Variants in MDH1B observed in about 807,000 individuals in gnomAD.
The protein encoded by MDH1B is putative malate dehydrogenase 1B.
In MDH1B, 60 loss-of-function variants were observed where a neutral mutation model predicts 61.4. That is an observed-to-expected ratio of 0.98 (90% CI 0.79 to 1.21). The LOEUF (loss-of-function observed/expected upper bound fraction) is 1.21, where lower values mean the gene tolerates loss of function less well. Among genes scored for constraint, MDH1B ranks in the 50% most tolerant of loss-of-function variants. The probability of loss-of-function intolerance (pLI) is 0.00; values close to 1 mark genes in which losing one functional copy is unlikely to be tolerated. For missense variants in MDH1B, 587 were observed against 632.1 expected (o/e 0.93, Z 0.76); for synonymous variants, 236 against 218.7 (o/e 1.08, Z -0.70).
intron 10 of MDH1B, 126 bp from the exon 11 acceptor site, chr2:206,739,787 A>G (rs372784970): frequency 2.6e-6 from 2 of 784,036 alleles, no homozygotes. Context: ...CTCTCCTAGG[A>G]GTTACAAGAT....
At position 206,763,926 on chromosome 2, in the gene MDH1B, GC is replaced by G. The variant is rs201592480; in HGVS notation, c.22+1323del. Reference sequence around the variant, plus strand: ...CCTGCTATCGTTCCTATAGAACCCTGCCCTGTCAGTGTCATACATGCAACAT... The same window carrying G: ...CCTGCTATCGTTCCTATAGAACCCTGCCTGTCAGTGTCATACATGCAACAT... On this transcript the variant is annotated intron_variant, in intron 1 of 11. Coordinates refer to ENST00000374412, the MANE Select transcript of MDH1B (RefSeq NM_001039845.3). Among the ~76,000 whole-genome samples the G allele has an allele frequency of 9.8e-3, 1,489 of 152,126 alleles. 26 individuals are homozygous for G. Among genetic ancestry groups the G allele is most frequent in the African/African-American group, 0.033 (1,361 of 41,480 alleles).
intron 4 of MDH1B, among the ~76,000 whole-genome samples, chr2:206,756,041 C>T (rs1012095017): frequency 1.3e-5 from 2 of 151,886 alleles, no homozygotes. Flanking sequence ...CAGTTGTCTA[C>T]AGCTGTGACT....
At chr2:206,763,909 C>G (rs975669436) in intron 1 of MDH1B, among the ~76,000 whole-genome samples, 1 of 151,914 alleles carries the variant, frequency 6.6e-6, no homozygotes, top group African/African-American at 2.4e-5. Context: ...TCCCTGCTAT[C>G]GTTCCTATAG....
chr2:206,745,623 T>C lies in MDH1B; in HGVS notation c.1407A>G (p.Ser469=), dbSNP rs746951656. Reference sequence around the variant, plus strand: ...AAAACATCACGTCTAAGAGCTTACCTGATTGGTATGGCTGAAAATGTATCT... The same window carrying C: ...AAAACATCACGTCTAAGAGCTTACCCGATTGGTATGGCTGAAAATGTATCT... The part of the protein sequence containing the change: ...GDKIHFQPYQ[S]GHKDLVPDEE... The change falls in exon 9 of 12, where the codon TCA becomes TCG. Residue 469 remains serine (S), a splice_region_variant and synonymous_variant. Coordinates refer to ENST00000374412, the MANE Select transcript of MDH1B (RefSeq NM_001039845.3). 6.2e-7 allele frequency: 1 copy of C among 1,609,888 alleles called. No homozygotes were observed.
At chr2:206,752,857 T>C (rs965902764) in intron 5 of MDH1B, among the ~76,000 whole-genome samples, 1 of 151,090 alleles carries the variant, frequency 6.6e-6, no homozygotes, top group Admixed American at 6.6e-5. Flanking sequence ...TTCTCCAGTG[T>C]CAGTCCCTAT....
chr2:206,741,968 T>C (rs1574620132), intron 9 of MDH1B, among the ~76,000 whole-genome samples: 1 of 152,318 alleles, frequency 6.6e-6, no homozygotes, highest in East Asian at 1.9e-4. Flanking sequence ...TTGACACTCC[T>C]GATTCACTGC....
intron 1 of MDH1B, 81 bp from the exon 2 acceptor site, chr2:206,761,094 C>T (rs924673934): frequency 2.0e-5 from 14 of 713,746 alleles, no homozygotes; most frequent in Admixed American, 1.9e-4. Context: ...TATGTAATTA[C>T]AGAATTAGTC....
intron 9 of MDH1B, among the ~76,000 whole-genome samples, chr2:206,744,939 T>A (rs1480826827): frequency 1.4e-5 from 2 of 146,972 alleles, no homozygotes; most frequent in African/African-American, 5.1e-5. Flanking sequence ...AATAAATAAA[T>A]AAATAAATAA....
At position 206,750,979 on chromosome 2, in the gene MDH1B, C is replaced by A. The variant is rs373097195; in HGVS notation, c.1007G>T (p.Gly336Val). The A allele has an allele frequency of 2.3e-5, 37 of 1,611,676 alleles. No individual in the cohort carries two copies. The Admixed American group carries it at 2.7e-4, about 12-fold the overall frequency. The change falls in exon 6 of 12, where the codon GGA (glycine) becomes GTA (valine). Residue 336 changes from glycine (G) to valine (V), a missense_variant. By Grantham distance (109) the Gly-to-Val change is moderately radical (BLOSUM62 -3). Coordinates refer to ENST00000374412, the MANE Select transcript of MDH1B (RefSeq NM_001039845.3). ...AACAGGGCGTGAATAATGAAGAGGT[C>A]CCCAAATGGCACTCTCATATCTGTA... ...RVYRYESAIW[G>V]PLHYSRPVLN...
chr2:206,756,753 A>G (rs1574643719), intron 4 of MDH1B, 145 bp downstream of exon 4: 2 of 721,096 alleles, frequency 2.8e-6, no homozygotes, highest in South Asian at 3.7e-5. Context: ...ATGCATATGT[A>G]TATGTGTATA....
At chr2:206,745,732 T>TC in intron 8 of MDH1B, 59 bp from the exon 9 acceptor site, 7 of 337,000 alleles carry the variant, frequency 2.1e-5, no homozygotes, top group East Asian at 6.7e-4. Context: ...TAATTCTTCT[T>TC]TTTTTTTTTT....
At chr2:206,763,201 G>A (rs140062578) in intron 1 of MDH1B, among the ~76,000 whole-genome samples, 6 of 149,806 alleles carry the variant, frequency 4.0e-5, no homozygotes, top group Admixed American at 2.7e-4. Context: ...AATTATCTAA[G>A]AGTAGTAAGA....
intron 6 of MDH1B, among the ~76,000 whole-genome samples, chr2:206,750,393 ACTCAGTTTTTCATCT>A (rs1688367579): frequency 7.1e-6 from 1 of 141,046 alleles, no homozygotes; most frequent in Non-Finnish European, 1.5e-5. Flanking sequence ...CCTCTCTGTA[ACTCAGTTTTTCATCT>A]GCAAAGTGGA....
At chr2:206,759,205 GC>G (rs1188093254) in intron 2 of MDH1B, among the ~76,000 whole-genome samples, 2 of 151,956 alleles carry the variant, frequency 1.3e-5, no homozygotes, top group Non-Finnish European at 2.9e-5. Context: ...TTATCATTTA[GC>G]CCCCACTTCT....
intron 9 of MDH1B, among the ~76,000 whole-genome samples, chr2:206,744,194 C>G (rs1386229888): frequency 6.6e-6 from 1 of 152,192 alleles, no homozygotes; most frequent in Non-Finnish European, 1.5e-5. Flanking sequence ...TGAGCTCTGA[C>G]AGCACAGCAG....
intron 2 of MDH1B, among the ~76,000 whole-genome samples, 180 bp from the exon 3 acceptor site, chr2:206,757,551 A>T (rs1350113725): frequency 6.6e-6 from 1 of 152,254 alleles, no homozygotes; most frequent in Non-Finnish European, 1.5e-5. Context: ...TGTTAGTAAC[A>T]GATTAATTAG....
In MDH1B at chr2:206,746,284, T is replaced by C. The variant is rs775628067; in HGVS notation, c.1356+3A>G. 5 of 1,612,118 alleles carry C rather than the reference T, an allele frequency of 3.1e-6. No homozygotes were observed. Among genetic ancestry groups the C allele is most frequent in the Non-Finnish European group, 4.2e-6 (5 of 1,179,060 alleles). ...AGTCCCCTTGCATCTATTCTGACAT[T>C]ACCTGAATTAGATCACTTGTCATTC... On this transcript the variant is annotated splice_donor_region_variant and intron_variant, in intron 8 of 11. Transcript: ENST00000374412.
chr2:206,756,203 T>C (rs993984757), intron 4 of MDH1B, among the ~76,000 whole-genome samples: 8 of 152,224 alleles, frequency 5.3e-5, no homozygotes, highest in Admixed American at 1.3e-4. Context: ...GAAGATGTGA[T>C]AGTTATTAAA....
At position 206,739,607 on chromosome 2, in the gene MDH1B, A is replaced by G; in HGVS notation, c.1514T>C (p.Leu505Pro). ...PQTTFEKPQS[L>P]EFLNEFEGKT... Reference sequence around the variant, plus strand: ...CTACCACCTACCATTTAGGAACTCAAGACTCTGTGGCTTTTCAAAGGTGGT... The same window carrying G: ...CTACCACCTACCATTTAGGAACTCAGGACTCTGTGGCTTTTCAAAGGTGGT... Residue 505 changes from leucine (L) to proline (P), a missense_variant, in exon 11 of 12, where the codon CTT (leucine) becomes CCT (proline). Transcript: ENST00000374412. 1 of 1,613,992 alleles carries G rather than the reference A, an allele frequency of 6.2e-7. No individual in the cohort carries two copies. The highest frequency in any genetic ancestry group is 1.3e-5 in the African/African-American group (1 of 75,044).
Sources: allele counts gnomAD v4.1 joint callset (sites outside exome capture counted in the v4.1 genomes callset), GRCh38; gene constraint gnomAD v4.1.1; transcripts MANE v1.5; gene names NCBI Gene and HGNC (gene_info 2026-07-23, HGNC 2026-07-21).